Variants in DNAJC6 observed in about 807,000 individuals in gnomAD.
DNAJC6 encodes the protein auxilin.
In DNAJC6, 34 loss-of-function variants were observed where a neutral mutation model predicts 110.0. The observed-to-expected ratio is 0.31, with a 90% CI of 0.24 to 0.41. The LOEUF (loss-of-function observed/expected upper bound fraction) is 0.41, where lower values mean the gene tolerates loss of function less well. DNAJC6 is among the 10% of genes least tolerant of loss of function. The probability of loss-of-function intolerance (pLI) is 1.00; values close to 1 mark genes in which losing one functional copy is unlikely to be tolerated. For synonymous variants in DNAJC6, 406 were observed against 437.2 expected (o/e 0.93, Z 0.89); for missense variants, 1,031 against 1,207.8 (o/e 0.85, Z 2.17).
At chr1:65,308,770 A>G (rs191732176), upstream of DNAJC6, among the ~76,000 whole-genome samples, 33 of 152,326 alleles carry the variant, frequency 2.2e-4, no homozygotes, top group African/African-American at 7.7e-4. Context: ...TCCAGGTCCT[A>G]AGGTAAATGG....
intron 1 of DNAJC6, among the ~76,000 whole-genome samples, chr1:65,312,658 C>T (rs1430524920): frequency 6.6e-6 from 1 of 152,138 alleles, no homozygotes; most frequent in Non-Finnish European, 1.5e-5. Context: ...ACTTGTAAGA[C>T]TGTTTATAAT....
chr1:65,369,285 A>G (rs1031209349), intron 4 of DNAJC6, among the ~76,000 whole-genome samples: 13 of 152,052 alleles, frequency 8.5e-5, no homozygotes, highest in African/African-American at 2.9e-4. Context: ...TAGTATTTCC[A>G]TCTTACCTTT....
rs1653384367 is a variant in DNAJC6 at position 65,267,808 on chromosome 1, AG to A, written c.-131+2877del. On this transcript the variant is annotated intron_variant, in intron 1 of 19. Transcript: ENST00000263441. ...GGCCTTTTCCAAGCCTAGTTCTTTG[AG>A]AGCAAAGTATCCCTTTAGGGCTGCT... Among the ~76,000 whole-genome samples the A allele has an allele frequency of 2.0e-5, 3 of 152,032 alleles. No individual in the cohort carries two copies. In the South Asian group the frequency reaches 6.2e-4, roughly 32 times the overall value.
intron 15 of DNAJC6, among the ~76,000 whole-genome samples, chr1:65,405,177 T>C (rs941691783): frequency 6.6e-6 from 1 of 152,214 alleles, no homozygotes; most frequent in African/African-American, 2.4e-5. Flanking sequence ...ATCAAGATTC[T>C]ACTTAAATTC....
intron 1 of DNAJC6, among the ~76,000 whole-genome samples, chr1:65,266,134 C>G (rs528210211): frequency 4.3e-4 from 65 of 152,372 alleles, no homozygotes; most frequent in African/African-American, 1.5e-3. Context: ...TGCAACAACG[C>G]AGGCCCCAAA....
chr1:65,356,370 G>A (rs1290813896), intron 1 of DNAJC6, among the ~76,000 whole-genome samples: 1 of 151,768 alleles, frequency 6.6e-6, no homozygotes, highest in Non-Finnish European at 1.5e-5. Context: ...TTAGGAGTTC[G>A]AGACCAGCCT....
intron 1 of DNAJC6, among the ~76,000 whole-genome samples, chr1:65,351,771 T>A (rs11208635): frequency 0.72 from 108,955 of 151,334 alleles, 40,556 homozygotes; most frequent in African/African-American, 0.92. Context: ...TTATATATAT[T>A]TTTTTTTTCT....
chr1:65,351,899 G>A (rs1645493329), intron 1 of DNAJC6, among the ~76,000 whole-genome samples: 1 of 152,006 alleles, frequency 6.6e-6, no homozygotes, highest in Non-Finnish European at 1.5e-5. Context: ...CAAGTAGCTG[G>A]GATTACAGGC....
intron 8 of DNAJC6, 113 bp from the exon 9 acceptor site, chr1:65,388,222 CA>C (rs1645890865): frequency 1.1e-6 from 1 of 905,802 alleles, no homozygotes; most frequent in Non-Finnish European, 1.8e-6. Context: ...CCATAGTAAA[CA>C]CAAATTCAGA....
At position 65,408,735 on chromosome 1, in the gene DNAJC6, G is replaced by A. The variant is rs1333655188; in HGVS notation, c.2586G>A (p.Glu862=). The A allele has an allele frequency of 6.2e-7, 1 of 1,614,100 alleles. No homozygotes were observed. The highest frequency in any genetic ancestry group is 1.7e-5 in the Admixed American group (1 of 60,010). The change falls in exon 17 of 19, where the codon GAG becomes GAA. Residue 862 remains glutamate, a synonymous_variant. Coordinates refer to ENST00000371069, the MANE Select transcript of DNAJC6 (RefSeq NM_001256864.2). ...AAAAGGGGCCTCGGACAATAGCTGA[G>A]ATGAGAAAGGAGGAAATGGCCAAGG... ...KDKKGPRTIA[E]MRKEEMAKEM...
intron 1 of DNAJC6, among the ~76,000 whole-genome samples, chr1:65,278,775 C>G (rs951566744): frequency 2.0e-5 from 3 of 152,142 alleles, no homozygotes; most frequent in Non-Finnish European, 2.9e-5. Flanking sequence ...TACCTGGGGA[C>G]TGGGGGAATG....
intron 1 of DNAJC6, among the ~76,000 whole-genome samples, chr1:65,290,146 T>TA (rs760715067): frequency 1.3e-5 from 2 of 152,164 alleles, no homozygotes; most frequent in Non-Finnish European, 2.9e-5. Flanking sequence ...GTATATATCT[T>TA]ACAGTTCTGG....
intron 7 of DNAJC6, among the ~76,000 whole-genome samples, chr1:65,386,332 G>C (rs1377956784): frequency 6.6e-6 from 1 of 152,200 alleles, no homozygotes; most frequent in African/African-American, 2.4e-5. Context: ...GGTGGTCATA[G>C]GGGATGTGGA....
chr1:65,397,302 T>G (rs2101621804), intron 13 of DNAJC6, among the ~76,000 whole-genome samples: 2 of 152,308 alleles, frequency 1.3e-5, no homozygotes, highest in East Asian at 1.9e-4. Context: ...CCCGGGTTTC[T>G]GCAAGGCGTC....
upstream of DNAJC6, among the ~76,000 whole-genome samples, chr1:65,307,008 CTCTCTCTCTCTATA>C (rs1350299482): frequency 7.2e-3 from 670 of 93,106 alleles, 4 homozygotes; most frequent in African/African-American, 0.01. Flanking sequence ...CTCTCTCTCT[CTCTCTCTCTCTATA>C]TATATATATA....
Position 65,413,055 on chromosome 1 carries a change from C to G in DNAJC6, c.*30C>G. 1 of 1,594,602 alleles carries G rather than the reference C, an allele frequency of 6.3e-7. No individual in the cohort carries two copies. The highest frequency in any genetic ancestry group is 1.3e-5 in the African/African-American group (1 of 74,518). Reference sequence around the variant, plus strand: ...TGAGCTTTTCCATCTCTGCTGCAGACCTGTGCTAATGCTTAGTGTGTGTCA... The same window carrying G: ...TGAGCTTTTCCATCTCTGCTGCAGAGCTGTGCTAATGCTTAGTGTGTGTCA... On this transcript the variant is annotated 3_prime_UTR_variant, in exon 19 of 19. Coordinates refer to ENST00000371069, the MANE Select transcript of DNAJC6 (RefSeq NM_001256864.2).
At position 65,390,222 on chromosome 1, in the gene DNAJC6, C is replaced by G. The variant is rs1368051991; in HGVS notation, c.1468+595C>G. ...TAAGTGTGATTTGTTTATGATCTCC[C>G]TTTAGACTGCTGCCTCTGTAATGAG... On this transcript the variant is annotated intron_variant, in intron 11 of 18. Transcript: ENST00000371069. Among the ~76,000 whole-genome samples, 5 of 152,118 alleles carry G rather than the reference C, an allele frequency of 3.3e-5. No individual in the cohort carries two copies. The East Asian group carries it at 9.6e-4, about 29-fold the overall frequency.
intron 16 of DNAJC6, among the ~76,000 whole-genome samples, chr1:65,406,359 G>A (rs1459259824): frequency 7.2e-5 from 11 of 152,312 alleles, no homozygotes; most frequent in Admixed American, 3.3e-4. Flanking sequence ...TTTTGTGACC[G>A]TGGGCTCACT....
upstream of DNAJC6, among the ~76,000 whole-genome samples, chr1:65,306,114 G>T (rs764869560): frequency 7.7e-5 from 10 of 130,482 alleles, no homozygotes; most frequent in South Asian, 2.0e-3. Flanking sequence ...GTCTCGCTTT[G>T]TTGGCTCACT....
Sources: gnomAD v4.1 joint callset for allele counts (sites outside exome capture counted in the v4.1 genomes callset) on GRCh38, gnomAD v4.1.1 for gene constraint, MANE v1.5 for transcripts, NCBI Gene and HGNC (gene_info 2026-07-23, HGNC 2026-07-21) for gene names.